NME7: variants seen among roughly 807,000 people sequenced by gnomAD.
The protein encoded by NME7 is NME/NM23 family member 7, also known as nucleoside diphosphate kinase 7.
NME7 carries 41 observed loss-of-function variants against 49.1 expected under a neutral mutation model. The ratio of observed to expected loss-of-function variants is 0.83; its 90% CI spans 0.65 to 1.08. The LOEUF (loss-of-function observed/expected upper bound fraction) is 1.08. Ranked by LOEUF, NME7 falls within the 50% of genes least tolerant of loss-of-function variation. The pLI, the probability that NME7 is intolerant of heterozygous loss-of-function variation, is 0.00. For missense variants in NME7, 423 were observed against 463.4 expected, an observed-to-expected ratio of 0.91 and a Z score of 0.80; for synonymous variants, 139 against 150.6, an observed-to-expected ratio of 0.92 and a Z score of 0.56.
intron 7 of NME7, among the ~76,000 whole-genome samples, chr1:169,273,610 A>C (rs1558016612): frequency 4.4e-5 from 5 of 114,562 alleles, no homozygotes; most frequent in Admixed American, 8.7e-5. Context: ...ATCCCTCCCC[A>C]CTCCCCCTAC....
Position 169,272,402 on chromosome 1 carries a change from T to A in NME7, c.754+14901A>T, listed in dbSNP as rs918206308. On this transcript the variant is annotated intron_variant, in intron 7 of 11. Coordinates refer to ENST00000367811, the MANE Select transcript of NME7 (RefSeq NM_013330.5). ...ACATATCAACTCATTATCTAGGTAT[T>A]AACCCCAGCATCCATTAGCTATTCT... Among the ~76,000 whole-genome samples, 26 of 131,772 alleles carry A rather than the reference T, an allele frequency of 2.0e-4. 8 individuals carry two copies. Among genetic ancestry groups the A allele is most frequent in the Non-Finnish European group, 4.1e-4 (23 of 56,262 alleles). 86.4% of individuals were successfully genotyped at this position (131,772 alleles called of 152,430 possible). A position where few individuals can be genotyped will look rare whatever the true frequency, so the allele number is the denominator to read the frequency against.
At chr1:169,341,350 A>G (rs183683201) in intron 1 of NME7, among the ~76,000 whole-genome samples, 11 of 152,338 alleles carry the variant, frequency 7.2e-5, no homozygotes, top group East Asian at 3.9e-4. Context: ...ACAAGAGCTG[A>G]GCTTTGGGAG....
Position 169,267,752 on chromosome 1 carries a change from C to G in NME7, c.754+19551G>C, listed in dbSNP as rs185675895. ...CTAAAACTGGACCCCTTCCTTACAC[C>G]ATATACAAAAATCAACTCAAGATGG... On this transcript the variant is annotated intron_variant, in intron 7 of 11. Coordinates refer to ENST00000367811, the MANE Select transcript of NME7 (RefSeq NM_013330.5). Among the ~76,000 whole-genome samples the G allele has an allele frequency of 1.5e-5, 2 of 133,668 alleles. 1 individual carries two copies. The highest frequency in any genetic ancestry group is 4.0e-4 in the East Asian group (2 of 5,042). The allele number at this position is 133,668 out of a possible 152,430, so 87.7% of individuals were successfully genotyped here.
chr1:169,249,371 G>C (rs1648462041), intron 7 of NME7, among the ~76,000 whole-genome samples: 1 of 152,028 alleles, frequency 6.6e-6, no homozygotes, highest in Non-Finnish European at 1.5e-5. Flanking sequence ...TCAAATCCAG[G>C]AGTCTTTTGG....
chr1:169,279,797 GT>G (rs1437852759), intron 7 of NME7, among the ~76,000 whole-genome samples: 2 of 152,202 alleles, frequency 1.3e-5, no homozygotes, highest in Non-Finnish European at 2.9e-5. Flanking sequence ...ACTGGGAGCT[GT>G]AGACTGGAGC....
chr1:169,360,930 AG>A (rs1653630592), intron 1 of NME7, among the ~76,000 whole-genome samples: 1 of 152,200 alleles, frequency 6.6e-6, no homozygotes, highest in Non-Finnish European at 1.5e-5. Flanking sequence ...TCACCACCCC[AG>A]GCTAGTTCAG....
intron 11 of NME7, among the ~76,000 whole-genome samples, chr1:169,151,119 G>A (rs1302847002): frequency 2.0e-5 from 3 of 151,372 alleles, no homozygotes; most frequent in African/African-American, 4.9e-5. Flanking sequence ...TTAGAGCTTG[G>A]GTATGAGTCC....
intron 10 of NME7, among the ~76,000 whole-genome samples, chr1:169,200,013 T>C (rs1162829908): frequency 1.3e-5 from 2 of 151,892 alleles, no homozygotes; most frequent in Admixed American, 6.6e-5. Context: ...ATTTTTCATC[T>C]CAGTCAACAA....
At chr1:169,310,698 A>T (rs1405395630) in intron 3 of NME7, 1 of 152,210 alleles carries the variant, frequency 6.6e-6, no homozygotes, top group Non-Finnish European at 1.5e-5. Flanking sequence ...GAAGATTCAG[A>T]ATTAAGAGAA....
chr1:169,255,125 C>G (rs1222013410), intron 7 of NME7, among the ~76,000 whole-genome samples: 1 of 134,834 alleles, frequency 7.4e-6, no homozygotes, highest in African/African-American at 2.6e-5. Context: ...TCCTTGTTGA[C>G]TTTCTGTCTC....
chr1:169,252,333 G>C (rs1295250709), intron 7 of NME7, among the ~76,000 whole-genome samples: 1 of 152,054 alleles, frequency 6.6e-6, no homozygotes, highest in Non-Finnish European at 1.5e-5. Flanking sequence ...ATTTTTTCAT[G>C]TGTTTTTTGG....
intron 1 of NME7, among the ~76,000 whole-genome samples, chr1:169,327,771 C>T (rs538447777): frequency 2.6e-5 from 4 of 152,206 alleles, no homozygotes; most frequent in African/African-American, 9.6e-5. Flanking sequence ...GAAGATTAAA[C>T]AAGTCTTTGG....
At chr1:169,172,514 T>A (rs192366609) in intron 10 of NME7, among the ~76,000 whole-genome samples, 10 of 152,298 alleles carry the variant, frequency 6.6e-5, no homozygotes, top group Admixed American at 6.5e-4. Flanking sequence ...TCATGACACT[T>A]CATCTTACTG....
At chr1:169,289,099 G>A (rs1650395746) in intron 6 of NME7, among the ~76,000 whole-genome samples, 1 of 152,052 alleles carries the variant, frequency 6.6e-6, no homozygotes, top group Admixed American at 6.6e-5. Context: ...CACCAAAGCT[G>A]CTCATTAAAA....
chr1:169,170,222 T>G (rs1659542055), intron 10 of NME7, among the ~76,000 whole-genome samples: 1 of 152,088 alleles, frequency 6.6e-6, no homozygotes, highest in Non-Finnish European at 1.5e-5. Flanking sequence ...TGATTGATAA[T>G]GATCAGTTTT....
chr1:169,182,094 T>C (rs1446459493), intron 10 of NME7, among the ~76,000 whole-genome samples: 2 of 149,756 alleles, frequency 1.3e-5, no homozygotes, highest in South Asian at 2.1e-4. Context: ...AGCCTTGAAC[T>C]CCTGGGCTCA....
At chr1:169,310,169 A>G in intron 3 of NME7, 89 bp from the exon 4 acceptor site, 1 of 745,024 alleles carries the variant, frequency 1.3e-6, no homozygotes, top group South Asian at 1.7e-5. Context: ...CTCAACAATC[A>G]TCCTAGATCA....
intron 7 of NME7, among the ~76,000 whole-genome samples, chr1:169,252,875 T>A (rs1648697549): frequency 6.7e-6 from 1 of 149,392 alleles, no homozygotes; most frequent in East Asian, 2.0e-4. Context: ...TAGTTGTAGA[T>A]ATGCGGTGTT....
At chr1:169,241,579 A>G (rs1002558901) in intron 7 of NME7, among the ~76,000 whole-genome samples, 3 of 151,970 alleles carry the variant, frequency 2.0e-5, no homozygotes, top group Non-Finnish European at 4.4e-5. Context: ...AATTCTAAGA[A>G]TAAATAGGAC....
Sources: allele counts gnomAD v4.1 joint callset (sites outside exome capture counted in the v4.1 genomes callset), GRCh38; gene constraint gnomAD v4.1.1; transcripts MANE v1.5; gene names NCBI Gene and HGNC (gene_info 2026-07-23, HGNC 2026-07-21).